Variants in TBXAS1 observed in about 807,000 individuals in gnomAD.
The protein encoded by TBXAS1 is thromboxane-A synthase.
In TBXAS1, 48 loss-of-function variants were observed where a neutral mutation model predicts 60.7. The ratio of observed to expected loss-of-function variants is 0.79; its 90% CI spans 0.63 to 1.01. The LOEUF (loss-of-function observed/expected upper bound fraction) is 1.01. Ranked by LOEUF, TBXAS1 falls within the 50% of genes least tolerant of loss-of-function variation. TBXAS1 has a pLI of 0.00. For missense variants in TBXAS1, 685 were observed against 686.3 expected (o/e 1.00, Z 0.02); for synonymous variants, 287 against 269.7 (o/e 1.06, Z -0.63).
At chr7:139,898,794 A>G (rs890937005) in intron 3 of TBXAS1, among the ~76,000 whole-genome samples, 4 of 152,166 alleles carry the variant, frequency 2.6e-5, no homozygotes, top group Non-Finnish European at 4.4e-5. Flanking sequence ...TACTGTTCGG[A>G]CAAACTATTC....
chr7:140,012,983 G>C (rs1299002191), intron 10 of TBXAS1, among the ~76,000 whole-genome samples: 1 of 151,844 alleles, frequency 6.6e-6, no homozygotes, highest in African/African-American at 2.4e-5. Flanking sequence ...GAGGTTTAAG[G>C]TAGGTCTTTT....
At chr7:139,898,948 T>G (rs1359701150) in intron 3 of TBXAS1, among the ~76,000 whole-genome samples, 1 of 150,260 alleles carries the variant, frequency 6.7e-6, no homozygotes, top group Non-Finnish European at 1.5e-5. Flanking sequence ...ACTGTGGCAC[T>G]GCCAGCCGCC....
intron 5 of TBXAS1, among the ~76,000 whole-genome samples, chr7:139,945,580 A>T (rs1352091777): frequency 6.6e-6 from 1 of 152,232 alleles, no homozygotes; most frequent in Admixed American, 6.5e-5. Context: ...TGCTATGCTC[A>T]TTCTTGATAT....
intron 4 of TBXAS1, among the ~76,000 whole-genome samples, chr7:139,935,669 T>C (rs1424866335): frequency 1.3e-5 from 2 of 151,776 alleles, no homozygotes; most frequent in South Asian, 2.1e-4. Context: ...GCAGTTCTCC[T>C]AGCACACGCT....
At chr7:139,987,313 G>A (rs1812565235) in intron 9 of TBXAS1, among the ~76,000 whole-genome samples, 1 of 152,158 alleles carries the variant, frequency 6.6e-6, no homozygotes, top group Non-Finnish European at 1.5e-5. Flanking sequence ...CAGAGCCCCA[G>A]GGTCCCGGGG....
chr7:139,825,124 C>T (rs1798405236), upstream of TBXAS1, among the ~76,000 whole-genome samples: 1 of 109,516 alleles, frequency 9.1e-6, no homozygotes, highest in Admixed American at 9.4e-5. Context: ...CCACTGCGCC[C>T]AGCCTGAGTT....
intron 3 of TBXAS1, among the ~76,000 whole-genome samples, chr7:139,882,076 G>A (rs1223740230): frequency 4.6e-5 from 7 of 152,304 alleles, no homozygotes; most frequent in East Asian, 1.9e-4. Context: ...AACACTTTTC[G>A]TGTAATTGCT....
intron 2 of TBXAS1, among the ~76,000 whole-genome samples, chr7:139,873,138 G>A (rs768049109): frequency 1.3e-5 from 2 of 152,154 alleles, no homozygotes; most frequent in South Asian, 2.1e-4. Flanking sequence ...ACATAGAGAC[G>A]AGGGTACACA....
chr7:140,010,601 C>T (rs750920336), intron 10 of TBXAS1, among the ~76,000 whole-genome samples: 2 of 152,196 alleles, frequency 1.3e-5, no homozygotes, highest in African/African-American at 4.8e-5. Flanking sequence ...TTTGGAACTG[C>T]GGGTACAGAC....
chr7:139,783,556 T>G (rs965122441), intron 3 of TBXAS1, among the ~76,000 whole-genome samples: 3 of 152,200 alleles, frequency 2.0e-5, no homozygotes, highest in African/African-American at 7.2e-5. Flanking sequence ...TTTCCTGACC[T>G]GCAGTCCAGG....
At chr7:139,783,399 T>C (rs1371161233) in intron 3 of TBXAS1, among the ~76,000 whole-genome samples, 1 of 148,938 alleles carries the variant, frequency 6.7e-6, no homozygotes, top group Non-Finnish European at 1.5e-5. Flanking sequence ...GAAGCTGTAA[T>C]GTAGATGCAC....
intron 5 of TBXAS1, among the ~76,000 whole-genome samples, chr7:139,949,305 T>C (rs1809007873): frequency 6.6e-6 from 1 of 152,226 alleles, no homozygotes; most frequent in African/African-American, 2.4e-5. Flanking sequence ...AGACTTCCTT[T>C]CAAACAGTAC....
At chr7:139,879,878 GTTT>G (rs1162980701) in intron 3 of TBXAS1, among the ~76,000 whole-genome samples, 7 of 124,790 alleles carry the variant, frequency 5.6e-5, no homozygotes, top group South Asian at 2.7e-4. Context: ...GTGTGTGTGT[GTTT>G]TGTTTTGTTT....
intron 3 of TBXAS1, among the ~76,000 whole-genome samples, chr7:139,879,648 T>A (rs1392903278): frequency 6.6e-6 from 1 of 152,040 alleles, no homozygotes; most frequent in African/African-American, 2.4e-5. Flanking sequence ...ATTCAATATA[T>A]CCTGTTTGGA....
chr7:139,918,349 G>T (rs1343201371), intron 4 of TBXAS1, among the ~76,000 whole-genome samples: 2 of 152,152 alleles, frequency 1.3e-5, no homozygotes, highest in African/African-American at 4.8e-5. Flanking sequence ...AGGGAGCCAC[G>T]GAGTCCCACC....
At chr7:140,011,512 G>A (rs181731722) in intron 10 of TBXAS1, among the ~76,000 whole-genome samples, 1 of 152,134 alleles carries the variant, frequency 6.6e-6, no homozygotes, top group Non-Finnish European at 1.5e-5. Flanking sequence ...TGGGTAAAAT[G>A]AACAATCTGA....
At chr7:140,005,408 G>A (rs958082895) in intron 9 of TBXAS1, among the ~76,000 whole-genome samples, 5 of 151,806 alleles carry the variant, frequency 3.3e-5, no homozygotes, top group African/African-American at 7.3e-5. Context: ...CAGCTTGGGC[G>A]ACAGAAAAAG....
At chr7:139,994,454 GC>G (rs1813149405) in intron 9 of TBXAS1, among the ~76,000 whole-genome samples, 1 of 152,104 alleles carries the variant, frequency 6.6e-6, no homozygotes, top group Non-Finnish European at 1.5e-5. Context: ...TTACTCAGTA[GC>G]CCTTAAAATC....
Position 139,925,544 on chromosome 7 carries a change from G to A in TBXAS1, c.334-10647G>A, listed in dbSNP as rs150020012. ...ATTTATGAGATCTAATAGCTTTTCG[G>A]TGGAGTCTTTAGGTTTTTCTAAATG... On this transcript the variant is annotated intron_variant, in intron 4 of 12. Transcript: ENST00000448866. 2.6e-3 allele frequency among the ~76,000 whole-genome samples: 392 copies of A among 152,258 alleles called. 21 individuals are homozygous for A. In the East Asian group the frequency reaches 0.069, roughly 27 times the overall value.
Sources: gnomAD v4.1 joint callset for allele counts (sites outside exome capture counted in the v4.1 genomes callset) on GRCh38, gnomAD v4.1.1 for gene constraint, MANE v1.5 for transcripts, NCBI Gene and HGNC (gene_info 2026-07-23, HGNC 2026-07-21) for gene names.